The following GRB14 variants were observed in gnomAD, a reference collection of about 807,000 sequenced individuals.
GRB14 encodes the protein growth factor receptor-bound protein 14.
GRB14 carries 38 observed loss-of-function variants against 69.1 expected under a neutral mutation model. The observed-to-expected ratio is 0.55, with a 90% CI of 0.42 to 0.72. The LOEUF is 0.72. GRB14 is among the 30% of genes least tolerant of loss of function. GRB14 has a pLI of 0.00. For missense variants in GRB14, 666 were observed against 666.1 expected (o/e 1.00, Z 0.00); for synonymous variants, 247 against 241.3 (o/e 1.02, Z -0.22).
rs192710771 is a variant in GRB14, at chr2:164,561,708, C to T, written c.325-13892G>A. ...TATGAGCGAGGTGCTTTGGCCAAGACACTTAACTCTCTAAGCCAATTTTCC... is the reference window on the plus strand; with the variant it reads ...TATGAGCGAGGTGCTTTGGCCAAGATACTTAACTCTCTAAGCCAATTTTCC... On this transcript the variant is annotated intron_variant, in intron 2 of 13. Transcript: ENST00000263915. Among the ~76,000 whole-genome samples the T allele has an allele frequency of 2.4e-3, 362 of 152,306 alleles. 2 individuals carry two copies. The highest frequency in any genetic ancestry group is 6.8e-3 in the Middle Eastern group (2 of 294).
chr2:164,539,252 A>G (rs983927612), intron 3 of GRB14, among the ~76,000 whole-genome samples: 1 of 152,108 alleles, frequency 6.6e-6, no homozygotes, highest in African/African-American at 2.4e-5. Flanking sequence ...AGGCAGATGG[A>G]TCACTTGAGG....
At chr2:164,570,987 AT>A (rs1689111000) in intron 2 of GRB14, among the ~76,000 whole-genome samples, 1 of 152,192 alleles carries the variant, frequency 6.6e-6, no homozygotes, top group South Asian at 2.1e-4. Flanking sequence ...TGACTATGTT[AT>A]CAAAAAGGCA....
At chr2:164,566,975 A>T (rs1230814837) in intron 2 of GRB14, among the ~76,000 whole-genome samples, 1 of 152,100 alleles carries the variant, frequency 6.6e-6, no homozygotes, top group Non-Finnish European at 1.5e-5. Flanking sequence ...AAACCATATG[A>T]TAGAAGTTTC....
At chr2:164,618,715 T>A (rs1690368884) in intron 2 of GRB14, among the ~76,000 whole-genome samples, 1 of 152,162 alleles carries the variant, frequency 6.6e-6, no homozygotes, top group African/African-American at 2.4e-5. Context: ...AGGTATTTCC[T>A]CCATTCCTAA....
At chr2:164,494,756 TAGTC>T (rs1360533819) in intron 12 of GRB14, among the ~76,000 whole-genome samples, 1 of 152,150 alleles carries the variant, frequency 6.6e-6, no homozygotes, top group Non-Finnish European at 1.5e-5. Flanking sequence ...CACAACCCAT[TAGTC>T]AGATTGTTTG....
intron 5 of GRB14, among the ~76,000 whole-genome samples, chr2:164,522,967 GA>G (rs1687672250): frequency 6.6e-6 from 1 of 152,004 alleles, no homozygotes. Context: ...TGTCACATAA[GA>G]AATGTGACTA....
chr2:164,600,134 G>A (rs1689878763), intron 2 of GRB14, among the ~76,000 whole-genome samples: 2 of 152,160 alleles, frequency 1.3e-5, no homozygotes, highest in African/African-American at 4.8e-5. Flanking sequence ...ACCCTCTGCT[G>A]TATGGATTTG....
chr2:164,522,266 G>A (rs1308102231), intron 5 of GRB14, 149 bp from the exon 6 acceptor site: 2 of 593,326 alleles, frequency 3.4e-6, no homozygotes, highest in Non-Finnish European at 6.0e-6. Context: ...ATGTGTTTGT[G>A]TATACTGCAT....
chr2:164,584,311 G>A (rs769433066), intron 2 of GRB14, among the ~76,000 whole-genome samples: 1 of 151,374 alleles, frequency 6.6e-6, no homozygotes, highest in Non-Finnish European at 1.5e-5. Context: ...GGCCAGCATT[G>A]CAATTAATTC....
At chr2:164,601,280 C>A (rs1305689954) in intron 2 of GRB14, among the ~76,000 whole-genome samples, 1 of 151,818 alleles carries the variant, frequency 6.6e-6, no homozygotes, top group Non-Finnish European at 1.5e-5. Context: ...TTTTCTGAAA[C>A]AATAATACAA....
chr2:164,620,750 G>A (rs1690438116), intron 1 of GRB14, among the ~76,000 whole-genome samples: 2 of 152,012 alleles, frequency 1.3e-5, no homozygotes, highest in South Asian at 4.2e-4. Flanking sequence ...CTATGTGGGA[G>A]GTGAATACAT....
intron 2 of GRB14, among the ~76,000 whole-genome samples, chr2:164,562,940 T>A (rs1688871524): frequency 6.6e-6 from 1 of 152,238 alleles, no homozygotes; most frequent in South Asian, 2.1e-4. Flanking sequence ...ACCATTCATC[T>A]GTGTGACACC....
intron 2 of GRB14, among the ~76,000 whole-genome samples, chr2:164,559,593 A>G (rs1291249025): frequency 1.3e-5 from 2 of 152,132 alleles, no homozygotes; most frequent in Non-Finnish European, 2.9e-5. Flanking sequence ...CTCCAATTTC[A>G]TCCAGGTTGC....
intron 2 of GRB14, among the ~76,000 whole-genome samples, chr2:164,576,968 G>A (rs2105334645): frequency 6.6e-6 from 1 of 151,912 alleles, no homozygotes; most frequent in Non-Finnish European, 1.5e-5. Context: ...TAATACCAGA[G>A]AAATGATAAG....
chr2:164,580,031 C>T (rs1333746156), intron 2 of GRB14, among the ~76,000 whole-genome samples: 1 of 151,990 alleles, frequency 6.6e-6, no homozygotes, highest in Non-Finnish European at 1.5e-5. Flanking sequence ...TCTGGAAAAA[C>T]TTCTTAAGAA....
At chr2:164,616,993 G>A (rs929753099) in intron 2 of GRB14, among the ~76,000 whole-genome samples, 2 of 152,156 alleles carry the variant, frequency 1.3e-5, no homozygotes, top group African/African-American at 4.8e-5. Flanking sequence ...TGAGTTGGGG[G>A]ACTCACTTAC....
chr2:164,531,799 G>A (rs558309264), intron 3 of GRB14, among the ~76,000 whole-genome samples: 4 of 152,110 alleles, frequency 2.6e-5, no homozygotes, highest in Admixed American at 6.5e-5. Flanking sequence ...GTAAGACTCC[G>A]GATAGGTTTA....
In GRB14 at chr2:164,508,767, G is replaced by T; in HGVS notation, c.902C>A (p.Pro301Gln). Residue 301 changes from proline (P) to glutamine (Q), a missense_variant, in exon 7 of 14, where the codon CCG (proline) becomes CAG (glutamine). Transcript: ENST00000263915. ...SLAGKKKHGA[P>Q]TNYGFCFKPN... Reference sequence around the variant, plus strand: ...CTTAAAGCAGAATCCATAGTTAGTCGGTGCTCCATGTTTTTTTTTGCCTGC... The same window carrying T: ...CTTAAAGCAGAATCCATAGTTAGTCTGTGCTCCATGTTTTTTTTTGCCTGC... 6.3e-7 allele frequency: 1 copy of T among 1,584,910 alleles called. No homozygotes were observed. Among genetic ancestry groups the T allele is most frequent in the Non-Finnish European group, 8.5e-7 (1 of 1,169,656 alleles).
At chr2:164,588,556 C>T (rs1340424477) in intron 2 of GRB14, among the ~76,000 whole-genome samples, 1 of 152,004 alleles carries the variant, frequency 6.6e-6, no homozygotes, top group African/African-American at 2.4e-5. Context: ...ATTTTTTTTA[C>T]CTCAAGTTCA....
Sources: gnomAD v4.1 joint callset for allele counts (sites outside exome capture counted in the v4.1 genomes callset) on GRCh38, gnomAD v4.1.1 for gene constraint, MANE v1.5 for transcripts, NCBI Gene and HGNC (gene_info 2026-07-23, HGNC 2026-07-21) for gene names.